The following PBX1 variants were observed in gnomAD, a reference collection of about 807,000 sequenced individuals.
The protein encoded by PBX1 is PBX homeobox 1.
PBX1 carries 6 observed loss-of-function variants against 53.4 expected under a neutral mutation model. That is an observed-to-expected ratio of 0.11 (90% CI 0.06 to 0.22). The LOEUF is 0.22. PBX1 is among the 10% of genes least tolerant of loss of function. PBX1 has a pLI of 1.00. For synonymous variants in PBX1, 204 were observed against 212.3 expected (o/e 0.96, Z 0.34); for missense variants, 251 against 551.4 (o/e 0.46, Z 5.46).
intron 2 of PBX1, among the ~76,000 whole-genome samples, chr1:164,755,570 T>G: frequency 6.6e-6 from 1 of 152,186 alleles, no homozygotes; most frequent in East Asian, 1.9e-4. Context: ...CAGCATTTTT[T>G]TTTTAAAGAA....
At chr1:164,880,522 T>C (rs577330594) in intron 2 of PBX1, among the ~76,000 whole-genome samples, 13 of 152,350 alleles carry the variant, frequency 8.5e-5, no homozygotes, top group South Asian at 8.3e-4. Context: ...GCGTTCTTTC[T>C]GCTAAGGGGA....
At chr1:164,649,474 C>T (rs1659659772) in intron 2 of PBX1, among the ~76,000 whole-genome samples, 2 of 152,268 alleles carry the variant, frequency 1.3e-5, no homozygotes, top group South Asian at 2.1e-4. Flanking sequence ...CTCCCAACCC[C>T]TTGAAAAGAT....
chr1:164,884,401 T>G, intron 2 of PBX1: 1 of 258,974 alleles, frequency 3.9e-6, no homozygotes. Context: ...AGCTGCTCAT[T>G]GAGATCTTGC....
intron 2 of PBX1, among the ~76,000 whole-genome samples, chr1:164,669,713 C>A (rs1421801241): frequency 6.6e-6 from 1 of 152,134 alleles, no homozygotes; most frequent in Non-Finnish European, 1.5e-5. Context: ...TGTTCTTAGC[C>A]CTAAACACAT....
chr1:164,693,939 G>C (rs1354648825), intron 2 of PBX1, among the ~76,000 whole-genome samples: 2 of 152,128 alleles, frequency 1.3e-5, no homozygotes, highest in African/African-American at 4.8e-5. Flanking sequence ...ATTCTGTTTT[G>C]ATGTTGTCTA....
intron 2 of PBX1, among the ~76,000 whole-genome samples, chr1:164,751,420 G>A (rs1666208712): frequency 6.6e-6 from 1 of 151,996 alleles, no homozygotes; most frequent in African/African-American, 2.4e-5. Flanking sequence ...GTCACAGACT[G>A]AATGCAGAAA....
intron 2 of PBX1, among the ~76,000 whole-genome samples, chr1:164,623,234 TATAG>T (rs1003047171): frequency 4.6e-5 from 7 of 152,246 alleles, no homozygotes; most frequent in Non-Finnish European, 7.4e-5. Flanking sequence ...ATGCGGTGTA[TATAG>T]ATAGATAGAG....
intron 2 of PBX1, among the ~76,000 whole-genome samples, chr1:164,622,822 C>CTTTT (rs11299132): frequency 1.9e-5 from 2 of 106,290 alleles, no homozygotes; most frequent in Admixed American, 2.0e-4. Flanking sequence ...CAGTTTCCAT[C>CTTTT]TTTTTTTTTT....
intron 6 of PBX1, chr1:164,815,319 G>A (rs1485130505): frequency 2.0e-5 from 3 of 152,242 alleles, no homozygotes; most frequent in African/African-American, 7.2e-5. Flanking sequence ...CACATTCTGT[G>A]ATTAGATCAG....
intron 2 of PBX1, among the ~76,000 whole-genome samples, chr1:164,779,139 T>C (rs892652173): frequency 4.0e-5 from 6 of 151,362 alleles, no homozygotes; most frequent in African/African-American, 1.5e-4. Context: ...AAGGAGGTAA[T>C]TTTTGACAAT....
intron 2 of PBX1, among the ~76,000 whole-genome samples, chr1:164,655,258 C>T (rs965571039): frequency 1.3e-5 from 2 of 152,040 alleles, no homozygotes; most frequent in African/African-American, 4.8e-5. Context: ...GGATTACAGG[C>T]ATGCGCCACC....
At chr1:164,805,037 C>G (rs747673248) in intron 4 of PBX1, among the ~76,000 whole-genome samples, 4 of 150,176 alleles carry the variant, frequency 2.7e-5, no homozygotes, top group Non-Finnish European at 5.9e-5. Context: ...CAGTGTATGT[C>G]TGTGATGTCT....
Position 164,751,085 on chromosome 1 carries a change from G to A in PBX1, c.266-41409G>A, listed in dbSNP as rs146809269. On this transcript the variant is annotated intron_variant, in intron 2 of 8. Coordinates refer to ENST00000420696, the MANE Select transcript of PBX1 (RefSeq NM_002585.4). ...AATCCCAGCACTTTGGGAGGCTGAG[G>A]CGGGCGGATCACTTGAGGTCAGGAG... is the stretch of plus-strand genomic sequence containing the variant. Among the ~76,000 whole-genome samples, 828 of 152,190 alleles carry A rather than the reference G, an allele frequency of 5.4e-3. 3 individuals are homozygous for A. Among genetic ancestry groups the A allele is most frequent in the Non-Finnish European group, 8.9e-3 (604 of 67,996 alleles).
chr1:164,750,684 T>C (rs542024106), intron 2 of PBX1, among the ~76,000 whole-genome samples: 1 of 152,322 alleles, frequency 6.6e-6, no homozygotes, highest in South Asian at 2.1e-4. Flanking sequence ...TTTTTCTTTG[T>C]TTCAGTGGGT....
rs568855488 is a variant in PBX1, at chr1:164,776,820, A to C, written c.266-15674A>C. Among the ~76,000 whole-genome samples the C allele has an allele frequency of 5.9e-5, 9 of 152,178 alleles. No homozygotes were observed. The South Asian group carries it at 1.9e-3, about 32-fold the overall frequency. ...GTGAGCTTAGTATACTTGTCATTGT[A>C]CATATGGCTTGTCATTGTATGTATG... On this transcript the variant is annotated intron_variant, in intron 2 of 8. Coordinates refer to ENST00000420696, the MANE Select transcript of PBX1 (RefSeq NM_002585.4).
chr1:164,712,784 C>G (rs2800793), intron 2 of PBX1, among the ~76,000 whole-genome samples: 97,089 of 152,046 alleles, frequency 0.64, 33,582 homozygotes, highest in Middle Eastern at 0.77. Context: ...TTGCCTGTTC[C>G]GTTCAGCGTC....
chr1:164,800,194 T>C lies in PBX1; in HGVS notation c.701+305T>C, dbSNP rs1006567491. Reference sequence around the variant, plus strand: ...AGGTACCTCTTTTACAGTTGCGTCTTATAACTATGGGCCTGCAGCTGTCTT... The same window carrying C: ...AGGTACCTCTTTTACAGTTGCGTCTCATAACTATGGGCCTGCAGCTGTCTT... On this transcript the variant is annotated intron_variant, in intron 4 of 8. Coordinates refer to ENST00000420696, the MANE Select transcript of PBX1 (RefSeq NM_002585.4). Among the ~76,000 whole-genome samples, 4 of 152,318 alleles carry C rather than the reference T, an allele frequency of 2.6e-5. No individual in the cohort carries two copies. The East Asian group carries it at 7.7e-4, about 29-fold the overall frequency.
chr1:164,814,254 C>T (rs1448303344), intron 6 of PBX1: 1 of 152,098 alleles, frequency 6.6e-6, no homozygotes, highest in Middle Eastern at 3.2e-3. Context: ...TATGTACTTG[C>T]TCTTCAATAA....
At chr1:164,806,834 G>A (rs1046964199) in intron 4 of PBX1, among the ~76,000 whole-genome samples, 6 of 152,182 alleles carry the variant, frequency 3.9e-5, no homozygotes, top group Non-Finnish European at 8.8e-5. Context: ...TGGGCGCTGT[G>A]CTGAGTGCTG....
Sources: allele counts gnomAD v4.1 joint callset (sites outside exome capture counted in the v4.1 genomes callset), GRCh38; gene constraint gnomAD v4.1.1; transcripts MANE v1.5; gene names NCBI Gene and HGNC (gene_info 2026-07-23, HGNC 2026-07-21).